LHFPL2: variants seen among roughly 807,000 people sequenced by gnomAD.
LHFPL2 encodes LHFPL tetraspan subfamily member 2 protein.
Under a neutral mutation model 17.5 loss-of-function variants are expected in LHFPL2, and 7 were observed. That is an observed-to-expected ratio of 0.40 (90% CI 0.23 to 0.75). LHFPL2 has a LOEUF of 0.75. Ranked by LOEUF, LHFPL2 falls within the 30% of genes least tolerant of loss-of-function variation. The probability of loss-of-function intolerance (pLI) is 0.37; values close to 1 mark genes in which losing one functional copy is unlikely to be tolerated. For synonymous variants in LHFPL2, 134 were observed against 116.2 expected (o/e 1.15, Z -0.99); for missense variants, 241 against 294.8 (o/e 0.82, Z 1.34).
chr5:78,620,621 C>T (rs35252676), intron 2 of LHFPL2, among the ~76,000 whole-genome samples: 62,201 of 151,850 alleles, frequency 0.41, 12,823 homozygotes, highest in Middle Eastern at 0.44. Flanking sequence ...TTCATGGTCA[C>T]GAATGGGGAA....
chr5:78,518,562 G>A (rs1755355448), intron 3 of LHFPL2, among the ~76,000 whole-genome samples: 2 of 152,204 alleles, frequency 1.3e-5, no homozygotes, highest in Admixed American at 6.5e-5. Context: ...AGCTCCACGC[G>A]CAGCTGCCAG....
chr5:78,508,800 C>T lies in LHFPL2; in HGVS notation c.430+984G>A, dbSNP rs1421061707. Among the ~76,000 whole-genome samples, 3 of 152,154 alleles carry T rather than the reference C, an allele frequency of 2.0e-5. No individual in the cohort carries two copies. The East Asian group carries it at 5.8e-4, about 29-fold the overall frequency. ...AGTGTTGTAGGTGGGTAACTTTGTC[C>T]TGTTAGAGTCTAGATTAATGTCTTG... is the stretch of plus-strand genomic sequence containing the variant. On this transcript the variant is annotated intron_variant, in intron 4 of 4. Coordinates refer to ENST00000380345, the MANE Select transcript of LHFPL2 (RefSeq NM_005779.3).
chr5:78,587,792 AGG>A (rs1223672153), intron 2 of LHFPL2, among the ~76,000 whole-genome samples: 1 of 152,238 alleles, frequency 6.6e-6, no homozygotes, highest in Non-Finnish European at 1.5e-5. Flanking sequence ...ATTGGTCTGA[AGG>A]TGGCCCAAGC....
intron 1 of LHFPL2, chr5:78,644,932 T>A (rs1238137778): frequency 6.5e-6 from 1 of 154,418 alleles, no homozygotes; most frequent in Non-Finnish European, 1.4e-5. Flanking sequence ...TCTATGGTGC[T>A]CAGTACACTG....
intron 2 of LHFPL2, among the ~76,000 whole-genome samples, chr5:78,613,297 T>C (rs897562206): frequency 1.3e-5 from 2 of 152,156 alleles, no homozygotes; most frequent in Admixed American, 1.3e-4. Context: ...TTTTCTTGGT[T>C]CATAAATCCA....
chr5:78,621,302 G>A (rs1199838958), intron 2 of LHFPL2, among the ~76,000 whole-genome samples: 2 of 152,164 alleles, frequency 1.3e-5, no homozygotes, highest in African/African-American at 4.8e-5. Flanking sequence ...CACTCTTTCA[G>A]TGCTGTCGTC....
chr5:78,555,175 TA>T (rs1346855140), intron 3 of LHFPL2, among the ~76,000 whole-genome samples: 1 of 152,190 alleles, frequency 6.6e-6, no homozygotes, highest in Non-Finnish European at 1.5e-5. Flanking sequence ...GCCCTTTAAC[TA>T]GAAAGTATTG....
intron 4 of LHFPL2, among the ~76,000 whole-genome samples, chr5:78,496,285 T>C (rs1477490669): frequency 6.6e-6 from 1 of 152,156 alleles, no homozygotes; most frequent in African/African-American, 2.4e-5. Flanking sequence ...TTAGAATCGA[T>C]ACGAATTCTA....
At chr5:78,529,154 C>T (rs1297923763) in intron 3 of LHFPL2, among the ~76,000 whole-genome samples, 2 of 151,954 alleles carry the variant, frequency 1.3e-5, no homozygotes, top group Non-Finnish European at 2.9e-5. Flanking sequence ...GACATGGTGG[C>T]ATGCGCCTGT....
In LHFPL2 at chr5:78,486,415, AATCT is replaced by A. The variant is rs1370266776; in HGVS notation, c.*2478_*2481del. The A allele has an allele frequency of 6.6e-6, 1 of 152,196 alleles. No homozygotes were observed. Among genetic ancestry groups the A allele is most frequent in the Non-Finnish European group, 1.5e-5 (1 of 68,038 alleles). 9.4% of individuals were successfully genotyped at this position (152,196 alleles called of 1,614,324 possible). A position where few individuals can be genotyped will look rare whatever the true frequency, so the allele number is the denominator to read the frequency against. On this transcript the variant is annotated 3_prime_UTR_variant, in exon 5 of 5. Coordinates refer to ENST00000380345, the MANE Select transcript of LHFPL2 (RefSeq NM_005779.3). ...ATTAGAAAAATAAGTGTGAGCCAAC[AATCT>A]ATTTTTAACATTTCTTTCTAGCATA...
chr5:78,568,023 G>T lies in LHFPL2; in HGVS notation c.-244-3152C>A, dbSNP rs75014328. Among the ~76,000 whole-genome samples the T allele has an allele frequency of 7.9e-3, 1,200 of 152,218 alleles. 13 individuals carry two copies. Among genetic ancestry groups the T allele is most frequent in the African/African-American group, 0.026 (1,064 of 41,534 alleles). ...GTGTGTTTCCTCTAATCACTGAGAA[G>T]ACACTTCAGGATCCTCTCATGGGAT... is the stretch of plus-strand genomic sequence containing the variant. On this transcript the variant is annotated intron_variant, in intron 2 of 4. Coordinates refer to ENST00000380345, the MANE Select transcript of LHFPL2 (RefSeq NM_005779.3).
At chr5:78,592,200 T>C (rs1328786566) in intron 2 of LHFPL2, among the ~76,000 whole-genome samples, 1 of 152,114 alleles carries the variant, frequency 6.6e-6, no homozygotes, top group East Asian at 1.9e-4. Flanking sequence ...GCCAGGAAAT[T>C]CTGGAAGACT....
intron 2 of LHFPL2, among the ~76,000 whole-genome samples, chr5:78,579,657 A>G (rs1483074798): frequency 6.6e-6 from 1 of 152,040 alleles, no homozygotes; most frequent in African/African-American, 2.4e-5. Context: ...CCATGTCCCT[A>G]CAAAGGACAT....
chr5:78,534,831 G>A (rs918443091), intron 3 of LHFPL2, among the ~76,000 whole-genome samples: 1 of 152,206 alleles, frequency 6.6e-6, no homozygotes, highest in Non-Finnish European at 1.5e-5. Flanking sequence ...AAACTCCCCG[G>A]ACCTGCCAAC....
chr5:78,552,856 C>T (rs1279869779), intron 3 of LHFPL2, among the ~76,000 whole-genome samples: 3 of 152,174 alleles, frequency 2.0e-5, no homozygotes, highest in Non-Finnish European at 4.4e-5. Flanking sequence ...CAAAGCGTCA[C>T]GGGCTATACA....
chr5:78,489,312 C>A (rs778087305), intron 4 of LHFPL2, among the ~76,000 whole-genome samples, 159 bp from the exon 5 acceptor site: 1 of 152,210 alleles, frequency 6.6e-6, no homozygotes, highest in African/African-American at 2.4e-5. Context: ...CTGACCTGAT[C>A]AAGAAGTATC....
intron 3 of LHFPL2, among the ~76,000 whole-genome samples, chr5:78,537,526 G>C (rs1458694227): frequency 6.6e-6 from 1 of 152,188 alleles, no homozygotes; most frequent in Non-Finnish European, 1.5e-5. Flanking sequence ...ACAGGCAAGG[G>C]ACCTGGAGAA....
rs1055974035 is a variant in LHFPL2 at position 78,488,718 on chromosome 5, C to T, written c.*179G>A. 1.5e-6 allele frequency: 1 copy of T among 655,484 alleles called. No homozygotes were observed. The highest frequency in any genetic ancestry group is 2.7e-5 in the Admixed American group (1 of 37,364). 40.6% of individuals were successfully genotyped at this position (655,484 alleles called of 1,614,324 possible). ...CATTCCTTATAATGTGCACTGCAGACCGCATGTCCAGTAACTTTGCGTAGC... is the reference window on the plus strand; with the variant it reads ...CATTCCTTATAATGTGCACTGCAGATCGCATGTCCAGTAACTTTGCGTAGC... On this transcript the variant is annotated 3_prime_UTR_variant, in exon 5 of 5. Coordinates refer to ENST00000380345, the MANE Select transcript of LHFPL2 (RefSeq NM_005779.3).
rs773141785 is a variant in LHFPL2, at chr5:78,581,328, A to G, written c.-244-16457T>C. Reference sequence around the variant, plus strand: ...CCCTGGCCAGAACTTCCAACACTATATTGAATAGGAGTGGTGAGAGAGGGC... The same window carrying G: ...CCCTGGCCAGAACTTCCAACACTATGTTGAATAGGAGTGGTGAGAGAGGGC... On this transcript the variant is annotated intron_variant, in intron 2 of 4. Transcript: ENST00000380345. Among the ~76,000 whole-genome samples, 838 of 152,166 alleles carry G rather than the reference A, an allele frequency of 5.5e-3. 14 individuals carry two copies. Among genetic ancestry groups the G allele is most frequent in the Middle Eastern group, 6.8e-3 (2 of 294 alleles).
Sources: gnomAD v4.1 joint callset for allele counts (sites outside exome capture counted in the v4.1 genomes callset) on GRCh38, gnomAD v4.1.1 for gene constraint, MANE v1.5 for transcripts, NCBI Gene and HGNC (gene_info 2026-07-23, HGNC 2026-07-21) for gene names.